Variants in NALF1 observed in about 807,000 individuals in gnomAD.
NALF1 encodes the protein family with sequence similarity 155 member A.
A neutral mutation model predicts 48.4 loss-of-function variants in NALF1; 3 were observed. The ratio of observed to expected loss-of-function variants is 0.06; its 90% CI spans 0.03 to 0.16. NALF1 has a LOEUF of 0.16. Among genes scored for constraint, NALF1 ranks in the 10% least tolerant of loss-of-function variants. NALF1 has a pLI of 1.00. For missense variants in NALF1, 526 were observed against 571.5 expected (o/e 0.92, Z 0.81); for synonymous variants, 262 against 245.7 (o/e 1.07, Z -0.62).
At chr13:107,572,604 A>G (rs953174586) in intron 1 of NALF1, among the ~76,000 whole-genome samples, 1 of 152,176 alleles carries the variant, frequency 6.6e-6, no homozygotes, top group Non-Finnish European at 1.5e-5. Context: ...AACTCGTCAC[A>G]TTGCAAGGAG....
intron 1 of NALF1, among the ~76,000 whole-genome samples, chr13:107,696,032 G>T (rs918707286): frequency 6.6e-6 from 1 of 152,038 alleles, no homozygotes; most frequent in Admixed American, 6.6e-5. Flanking sequence ...GAATAGCTGG[G>T]ATTACAGCCA....
intron 1 of NALF1, among the ~76,000 whole-genome samples, chr13:107,785,693 T>C (rs1178343575): frequency 6.6e-6 from 1 of 152,158 alleles, no homozygotes; most frequent in Non-Finnish European, 1.5e-5. Context: ...CAATAACCTG[T>C]GGGATAAAAA....
chr13:107,625,968 G>A (rs1879661967), intron 1 of NALF1, among the ~76,000 whole-genome samples: 1 of 151,956 alleles, frequency 6.6e-6, no homozygotes, highest in Non-Finnish European at 1.5e-5. Flanking sequence ...GAATACTGAG[G>A]GCATTTGCTG....
intron 1 of NALF1, among the ~76,000 whole-genome samples, chr13:107,352,318 T>G (rs1882892558): frequency 6.6e-6 from 1 of 152,178 alleles, no homozygotes; most frequent in Admixed American, 6.5e-5. Context: ...CAGGTTTCTC[T>G]GGGGTCCCCT....
Position 107,189,654 on chromosome 13 carries a change from C to T in NALF1, c.1088-18868G>A, listed in dbSNP as rs140488436. ...CCTACTCTGATAAGTTACCAAGTAC[C>T]AGGGACTCCGAGTGGAGACTGGCAG... On this transcript the variant is annotated intron_variant, in intron 2 of 2. Coordinates refer to ENST00000375915, the MANE Select transcript of NALF1 (RefSeq NM_001080396.3). Among the ~76,000 whole-genome samples, 349 of 152,244 alleles carry T rather than the reference C, an allele frequency of 2.3e-3. 3 individuals are homozygous for T. Among genetic ancestry groups the T allele is most frequent in the African/African-American group, 7.9e-3 (330 of 41,536 alleles).
At chr13:107,592,547 TA>T (rs1566406560) in intron 1 of NALF1, among the ~76,000 whole-genome samples, 1 of 151,896 alleles carries the variant, frequency 6.6e-6, no homozygotes, top group Non-Finnish European at 1.5e-5. Context: ...TGGCATGTCA[TA>T]AAAAATTAAT....
At chr13:107,346,685 A>G (rs1335910212) in intron 1 of NALF1, among the ~76,000 whole-genome samples, 1 of 152,172 alleles carries the variant, frequency 6.6e-6, no homozygotes, top group Non-Finnish European at 1.5e-5. Context: ...TCCTACAGAT[A>G]TTTTGCTCAA....
chr13:107,455,234 C>T (rs1406659241), intron 1 of NALF1, among the ~76,000 whole-genome samples: 3 of 152,150 alleles, frequency 2.0e-5, no homozygotes, highest in Non-Finnish European at 4.4e-5. Flanking sequence ...GTCAATTAAA[C>T]TTGCTTTCTT....
chr13:107,605,566 G>GA lies in NALF1; in HGVS notation c.915+260115dup, dbSNP rs570776309. On this transcript the variant is annotated intron_variant, in intron 1 of 2. Transcript: ENST00000375915. ...TGGGTATCACTTATGGGTTTCACAGGAAAAAAAAAGATTAAAGAAAGCAGA... is the reference window on the plus strand; with the variant it reads ...TGGGTATCACTTATGGGTTTCACAGGAAAAAAAAAAGATTAAAGAAAGCAGA... Among the ~76,000 whole-genome samples the GA allele has an allele frequency of 1.9e-3, 285 of 150,110 alleles. 1 individual carries two copies. Among genetic ancestry groups the GA allele is most frequent in the African/African-American group, 5.8e-3 (236 of 40,962 alleles).
At chr13:107,762,474 G>A (rs909936518) in intron 1 of NALF1, among the ~76,000 whole-genome samples, 10 of 152,084 alleles carry the variant, frequency 6.6e-5, no homozygotes, top group Admixed American at 1.3e-4. Context: ...CACACAAGGG[G>A]TCATGGGAGA....
intron 1 of NALF1, among the ~76,000 whole-genome samples, chr13:107,793,056 A>C (rs1444681097): frequency 2.6e-5 from 4 of 152,238 alleles, no homozygotes; most frequent in Non-Finnish European, 5.9e-5. Flanking sequence ...ACAACCACAA[A>C]TAAAACCTTT....
chr13:107,457,432 G>A (rs1884841910), intron 1 of NALF1, among the ~76,000 whole-genome samples: 1 of 152,156 alleles, frequency 6.6e-6, no homozygotes, highest in South Asian at 2.1e-4. Flanking sequence ...TTAAGTGAAT[G>A]TGTGTCTACA....
intron 1 of NALF1, among the ~76,000 whole-genome samples, chr13:107,252,702 G>A (rs1880727844): frequency 6.6e-6 from 1 of 152,184 alleles, no homozygotes; most frequent in Non-Finnish European, 1.5e-5. Flanking sequence ...AGGAATGCCA[G>A]GTGGGACCAC....
At chr13:107,640,906 T>A (rs1880134359) in intron 1 of NALF1, among the ~76,000 whole-genome samples, 1 of 152,140 alleles carries the variant, frequency 6.6e-6, no homozygotes. Flanking sequence ...CTTTAAAAAG[T>A]CGGCATCCAG....
At chr13:107,536,908 G>A (rs1454362615) in intron 1 of NALF1, among the ~76,000 whole-genome samples, 1 of 152,214 alleles carries the variant, frequency 6.6e-6, no homozygotes, top group South Asian at 2.1e-4. Flanking sequence ...CATAAAAAAA[G>A]GATGAGTTCA....
chr13:107,498,915 T>A (rs545187296), intron 1 of NALF1, among the ~76,000 whole-genome samples: 1 of 152,282 alleles, frequency 6.6e-6, no homozygotes, highest in African/African-American at 2.4e-5. Flanking sequence ...AATGCATATA[T>A]GTAGGAAGAG....
At chr13:107,217,058 TCTCTTTTTC>T (rs1054845402) in intron 1 of NALF1, among the ~76,000 whole-genome samples, 2 of 152,202 alleles carry the variant, frequency 1.3e-5, no homozygotes, top group Non-Finnish European at 2.9e-5. Flanking sequence ...AACTTAGTTT[TCTCTTTTTC>T]TCTCTTCCTC....
chr13:107,696,551 A>AGTGT (rs58345595), intron 1 of NALF1, among the ~76,000 whole-genome samples: 3,139 of 146,898 alleles, frequency 0.021, 46 homozygotes, highest in African/African-American at 0.036. Flanking sequence ...CTCCAAGTTG[A>AGTGT]GTGTGTGTGT....
Position 107,603,843 on chromosome 13 carries a change from T to C in NALF1, c.915+261839A>G, listed in dbSNP as rs528876543. On this transcript the variant is annotated intron_variant, in intron 1 of 2. Transcript: ENST00000375915. ...ACTTGCTTTTTGCACGTTTAGACAC[T>C]CTCATGACATACATTTCTTAAGCTG... Among the ~76,000 whole-genome samples, 3 of 152,312 alleles carry C rather than the reference T, an allele frequency of 2.0e-5. No homozygotes were observed. The East Asian group carries it at 5.8e-4, about 29-fold the overall frequency.
Sources: allele counts gnomAD v4.1 joint callset (sites outside exome capture counted in the v4.1 genomes callset), GRCh38; gene constraint gnomAD v4.1.1; transcripts MANE v1.5; gene names NCBI Gene and HGNC (gene_info 2026-07-23, HGNC 2026-07-21).